The following MAGI2 variants were observed in gnomAD, a reference collection of about 807,000 sequenced individuals.
MAGI2 encodes membrane associated guanylate kinase, WW and PDZ domain containing 2, also known as membrane-associated guanylate kinase, WW and PDZ domain-containing protein 2.
Under a neutral mutation model 133.3 loss-of-function variants are expected in MAGI2, and 35 were observed. The observed-to-expected ratio is 0.26, with a 90% CI of 0.20 to 0.35. MAGI2 has a LOEUF of 0.35. Ranked by LOEUF, MAGI2 falls within the 10% of genes least tolerant of loss-of-function variation. The pLI is 1.00. For missense variants in MAGI2, 1,636 were observed against 1,863.4 expected (o/e 0.88, Z 2.25); for synonymous variants, 729 against 710.6 (o/e 1.03, Z -0.41).
At chr7:79,072,197 C>A (rs1815054703) in intron 1 of MAGI2, among the ~76,000 whole-genome samples, 2 of 152,012 alleles carry the variant, frequency 1.3e-5, no homozygotes, top group Non-Finnish European at 2.9e-5. Flanking sequence ...CCTTCTGTGC[C>A]AATCTTGCTG....
intron 1 of MAGI2, among the ~76,000 whole-genome samples, chr7:79,083,959 T>A (rs1038796679): frequency 2.6e-5 from 4 of 151,742 alleles, no homozygotes; most frequent in Admixed American, 2.6e-4. Flanking sequence ...AACACACTAT[T>A]GTTCATTCCC....
At chr7:78,307,881 A>C (rs1001204761) in intron 9 of MAGI2, among the ~76,000 whole-genome samples, 1 of 152,180 alleles carries the variant, frequency 6.6e-6, no homozygotes, top group Admixed American at 6.5e-5. Flanking sequence ...GGAGTCTTTG[A>C]AAAGAGGGGC....
At chr7:79,367,205 G>A (rs1405188951) in intron 1 of MAGI2, among the ~76,000 whole-genome samples, 1 of 152,196 alleles carries the variant, frequency 6.6e-6, no homozygotes, top group East Asian at 1.9e-4. Flanking sequence ...GAATAGTGCT[G>A]CTGCTAATAA....
intron 2 of MAGI2, among the ~76,000 whole-genome samples, chr7:78,646,787 G>A (rs980048831): frequency 1.3e-5 from 2 of 152,114 alleles, no homozygotes; most frequent in African/African-American, 2.4e-5. Context: ...ATCCTTTAGC[G>A]CTGACCAACA....
intron 3 of MAGI2, among the ~76,000 whole-genome samples, chr7:78,585,842 T>A (rs1554487800): frequency 6.6e-6 from 1 of 152,210 alleles, no homozygotes; most frequent in Non-Finnish European, 1.5e-5. Context: ...CATGATCAGA[T>A]GTAAGCAACT....
chr7:78,624,349 C>T (rs895869332), intron 3 of MAGI2, among the ~76,000 whole-genome samples: 1 of 152,046 alleles, frequency 6.6e-6, no homozygotes, highest in Non-Finnish European at 1.5e-5. Context: ...GCTTTTGTTG[C>T]AATTGCTTTT....
intron 2 of MAGI2, among the ~76,000 whole-genome samples, chr7:78,866,326 C>G (rs563535957): frequency 6.6e-6 from 1 of 151,850 alleles, no homozygotes; most frequent in Non-Finnish European, 1.5e-5. Flanking sequence ...AACTTCTCAT[C>G]TAAACAGAGA....
chr7:79,032,519 G>GAAAAA lies in MAGI2; in HGVS notation c.302-25318_302-25314dup, dbSNP rs34049134. 1.6e-3 allele frequency among the ~76,000 whole-genome samples: 185 copies of GAAAAA among 118,214 alleles called. 3 individuals carry two copies. Among genetic ancestry groups the GAAAAA allele is most frequent in the African/African-American group, 4.7e-3 (154 of 32,690 alleles). 77.6% of individuals were successfully genotyped at this position (118,214 alleles called of 152,430 possible). ...GGTGACAGAGCAAGACTCTGACTCA[G>GAAAAA]AAAAAAAAAAAAAAAAGACTGCAGG... On this transcript the variant is annotated intron_variant, in intron 1 of 21. Transcript: ENST00000354212.
intron 6 of MAGI2, among the ~76,000 whole-genome samples, chr7:78,380,064 A>T (rs917153041): frequency 2.0e-5 from 3 of 151,910 alleles, no homozygotes; most frequent in Non-Finnish European, 4.4e-5. Context: ...ATATATACAC[A>T]TAGGAGAATG....
At chr7:78,167,053 T>C (rs1825689036) in intron 15 of MAGI2, among the ~76,000 whole-genome samples, 1 of 151,400 alleles carries the variant, frequency 6.6e-6, no homozygotes, top group Non-Finnish European at 1.5e-5. Flanking sequence ...TATCAAGGGG[T>C]CAAGCAGAGA....
At chr7:78,701,884 T>A (rs922429172) in intron 2 of MAGI2, among the ~76,000 whole-genome samples, 2 of 151,988 alleles carry the variant, frequency 1.3e-5, no homozygotes, top group African/African-American at 4.8e-5. Context: ...GAGAACTAAC[T>A]TTTTGGAATT....
At chr7:78,456,817 G>A (rs1226420458) in intron 6 of MAGI2, 3 of 152,120 alleles carry the variant, frequency 2.0e-5, no homozygotes, top group South Asian at 2.1e-4. Flanking sequence ...GGAGTCTAGT[G>A]GAGAGTATGA....
chr7:78,782,090 G>T (rs1489994603), intron 2 of MAGI2, among the ~76,000 whole-genome samples: 1 of 152,120 alleles, frequency 6.6e-6, no homozygotes, highest in Non-Finnish European at 1.5e-5. Flanking sequence ...TAAGAAAAAA[G>T]GTTCATTTCT....
rs182398048 is a variant in MAGI2, at chr7:78,202,453, C to T, written c.2048-1260G>A. Reference sequence around the variant, plus strand: ...ATTCCAGCACTTTGGGAGGCCGAGGCGGGCGGATTACCCAAGGTCGGGAGT... The same window carrying T: ...ATTCCAGCACTTTGGGAGGCCGAGGTGGGCGGATTACCCAAGGTCGGGAGT... On this transcript the variant is annotated intron_variant, in intron 10 of 21. Coordinates refer to ENST00000354212, the MANE Select transcript of MAGI2 (RefSeq NM_012301.4). 3.7e-3 allele frequency among the ~76,000 whole-genome samples: 556 copies of T among 152,000 alleles called. 3 individuals are homozygous for T. Among genetic ancestry groups the T allele is most frequent in the Non-Finnish European group, 7.0e-3 (473 of 67,944 alleles).
rs1458072116 is a variant in MAGI2, at chr7:78,662,165, TTTTG to T, written c.419-34930_419-34927del. 4.6e-5 allele frequency among the ~76,000 whole-genome samples: 7 copies of T among 152,290 alleles called. No individual in the cohort carries two copies. The South Asian group carries it at 8.3e-4, about 18-fold the overall frequency. On this transcript the variant is annotated intron_variant, in intron 2 of 21. Coordinates refer to ENST00000354212, the MANE Select transcript of MAGI2 (RefSeq NM_012301.4). ...TAGAACTAGACAAAGTAGTCTTCCT[TTTTG>T]TTTATTTTAGGGTGTAAAGTACTTT...
chr7:78,517,088 A>G (rs1430389914), intron 4 of MAGI2, among the ~76,000 whole-genome samples: 1 of 152,184 alleles, frequency 6.6e-6, no homozygotes, highest in Non-Finnish European at 1.5e-5. Flanking sequence ...GGGTGCAGAT[A>G]AATCTGTAGA....
intron 2 of MAGI2, among the ~76,000 whole-genome samples, chr7:78,884,456 A>T (rs1312035567): frequency 6.6e-6 from 1 of 152,152 alleles, no homozygotes; most frequent in African/African-American, 2.4e-5. Flanking sequence ...CAGCCTGGGT[A>T]ACAGAGCAAG....
intron 6 of MAGI2, among the ~76,000 whole-genome samples, chr7:78,397,840 C>A (rs1295368734): frequency 6.6e-6 from 1 of 152,070 alleles, no homozygotes; most frequent in Non-Finnish European, 1.5e-5. Flanking sequence ...TTTCTAAATA[C>A]TAAGAAGCCT....
intron 2 of MAGI2, among the ~76,000 whole-genome samples, chr7:78,996,494 C>T (rs999461646): frequency 1.3e-5 from 2 of 152,036 alleles, no homozygotes; most frequent in Non-Finnish European, 2.9e-5. Flanking sequence ...AAACCTCACA[C>T]TGGGGCCTTT....
Sources: allele counts gnomAD v4.1 joint callset (sites outside exome capture counted in the v4.1 genomes callset), GRCh38; gene constraint gnomAD v4.1.1; transcripts MANE v1.5; gene names NCBI Gene and HGNC (gene_info 2026-07-23, HGNC 2026-07-21).